SNED1: variants seen among roughly 807,000 people sequenced by gnomAD.
The protein encoded by SNED1 is sushi, nidogen and EGF like domains 1, also known as sushi, nidogen and EGF-like domain-containing protein 1.
Under a neutral mutation model 166.7 loss-of-function variants are expected in SNED1, and 81 were observed. The ratio of observed to expected loss-of-function variants is 0.49; its 90% confidence interval spans 0.41 to 0.58. SNED1 has a LOEUF of 0.58. Among genes scored for constraint, SNED1 ranks in the 20% least tolerant of loss-of-function variants. SNED1 has a pLI of 0.00. For missense variants in SNED1, 1,604 were observed against 2,000.2 expected (o/e 0.80, Z 3.78); for synonymous variants, 762 against 822.0 (o/e 0.93, Z 1.25).
rs143822327 is a variant in SNED1 at position 241,070,115 on chromosome 2, G to A, written c.3503G>A (p.Arg1168Gln). 298 of 1,612,734 alleles carry A rather than the reference G, an allele frequency of 1.8e-4. No homozygotes were observed. In the African/African-American group the frequency reaches 3.4e-3, roughly 18 times the overall value. ...SYTVRDLLPG[R>Q]RYQLSVIAVQ... The stretch of plus-strand genomic sequence containing the variant: ...ACGGTGCGCGACCTGCTGCCGGGAC[G>A]GCGGTACCAGCTCTCTGTGATAGCA... The change falls in exon 24 of 32, where the codon CGG becomes CAG. Residue 1168 changes from arginine (R) to glutamine (Q), a missense_variant. This residue lies in a region of SNED1 where 367 missense variants were observed against 379.4 expected (regional missense o/e 0.97). Transcript: ENST00000310397.
chr2:240,999,141 G>T lies in SNED1; in HGVS notation c.213+91G>T, dbSNP rs893440707. The T allele has an allele frequency of 8.8e-5, 67 of 760,956 alleles. No individual in the cohort carries two copies. The highest frequency in any genetic ancestry group is 1.2e-4 in the Non-Finnish European group (66 of 570,664). The allele number at this position is 760,956 out of a possible 1,614,324, so 47.1% of individuals were successfully genotyped here. ...CCGGGCCCGGACTCCCGCCGCCGCC[G>T]CCAGCCACTTGGCACCGGGGCGGCC... On this transcript the variant is annotated intron_variant, in intron 1 of 31. Transcript: ENST00000310397. The surrounding 1 kb of genome is among the most constrained non-coding windows in gnomAD (Gnocchi z 5.8).
chr2:241,056,370 C>A (rs923701025), intron 16 of SNED1, among the ~76,000 whole-genome samples: 1 of 152,112 alleles, frequency 6.6e-6, no homozygotes, highest in African/African-American at 2.4e-5. Context: ...CCTGCCTCTG[C>A]CTCCCAAGCT....
rs2062596161 is a variant in SNED1, at chr2:241,069,220, G to T, written c.3307+197G>T. Among the ~76,000 whole-genome samples, 1 of 152,202 alleles carries T rather than the reference G, an allele frequency of 6.6e-6. No homozygotes were observed. The highest frequency in any genetic ancestry group is 1.5e-5 in the Non-Finnish European group (1 of 68,026). On this transcript the variant is annotated intron_variant, in intron 23 of 31. Coordinates refer to ENST00000310397, the MANE Select transcript of SNED1 (RefSeq NM_001080437.3). The surrounding 1 kb of genome is among the most constrained non-coding windows in gnomAD (Gnocchi z 4.9). ...GCTGGGCCCTTGTGCTGGGACAGCT[G>T]TCCAGGGCAGTCTCCATCTCTAAAG...
At chr2:241,089,190 T>C in intron 31 of SNED1, 1 of 1,118,814 alleles carries the variant, frequency 8.9e-7, no homozygotes. Flanking sequence ...ATACTGACCA[T>C]CATTTTTTAT....
At chr2:241,015,152 C>T (rs1279212422) in intron 1 of SNED1, among the ~76,000 whole-genome samples, 1 of 152,200 alleles carries the variant, frequency 6.6e-6, no homozygotes, top group Non-Finnish European at 1.5e-5. Context: ...TATACACACA[C>T]CTGTTGTGAT....
chr2:241,038,069 A>AAC (rs1553564471), intron 6 of SNED1, among the ~76,000 whole-genome samples: 1 of 145,718 alleles, frequency 6.9e-6, no homozygotes, highest in Non-Finnish European at 1.5e-5. Context: ...AGAAAGGTGG[A>AAC]CCCCCCCCCA....
At position 240,999,919 on chromosome 2, in the gene SNED1, C is replaced by T. The variant is rs2106517365; in HGVS notation, c.213+869C>T. ...GATCATATCTAGAAAACTGCTGGGC[C>T]AGCCTCAAGTAGAGTCCCCTCCAGC... is the stretch of plus-strand genomic sequence containing the variant. On this transcript the variant is annotated intron_variant, in intron 1 of 31. Transcript: ENST00000310397. This position sits in a 1 kb window ranked among gnomAD's most constrained non-coding sequence, Gnocchi z 5.8. Among the ~76,000 whole-genome samples, 1 of 152,260 alleles carries T rather than the reference C, an allele frequency of 6.6e-6. No individual in the cohort carries two copies. The highest frequency in any genetic ancestry group is 2.1e-4 in the South Asian group (1 of 4,822).
chr2:241,077,992 T>TAG (rs2063109552), intron 27 of SNED1, among the ~76,000 whole-genome samples: 1 of 151,462 alleles, frequency 6.6e-6, no homozygotes, highest in Admixed American at 6.6e-5. Flanking sequence ...CCAAGAGAAA[T>TAG]GAAAACCTAT....
Position 241,073,498 on chromosome 2 carries a change from C to T in SNED1, c.3916+134C>T, listed in dbSNP as rs1046165365. 6.8e-6 allele frequency: 5 copies of T among 736,518 alleles called. No homozygotes were observed. Among genetic ancestry groups the T allele is most frequent in the South Asian group, 1.6e-5 (1 of 63,364 alleles). 45.6% of individuals were successfully genotyped at this position (736,518 alleles called of 1,614,324 possible). ...AGCCTACCTGAGGGGAGGCTGAGCA[C>T]CAGGCACCCCGGTGTGGGAAGATGG... is the stretch of plus-strand genomic sequence containing the variant. On this transcript the variant is annotated intron_variant, in intron 27 of 31. Coordinates refer to ENST00000310397, the MANE Select transcript of SNED1 (RefSeq NM_001080437.3). This position sits in a 1 kb window ranked among gnomAD's most constrained non-coding sequence, Gnocchi z 6.6.
intron 6 of SNED1, 36 bp downstream of exon 6, chr2:241,037,389 TG>T (rs2061408509): frequency 1.4e-6 from 2 of 1,404,282 alleles, no homozygotes; most frequent in African/African-American, 1.4e-5. Context: ...GGGGCCCTGC[TG>T]GGGGCAGGAT....
At chr2:241,038,390 G>A (rs755595662) in intron 6 of SNED1, among the ~76,000 whole-genome samples, 28 of 152,222 alleles carry the variant, frequency 1.8e-4, no homozygotes, top group Non-Finnish European at 3.4e-4. Flanking sequence ...TTGAATGGCA[G>A]TAAGGGACTT....
intron 1 of SNED1, among the ~76,000 whole-genome samples, chr2:241,023,646 T>C (rs2060836566): frequency 6.6e-6 from 1 of 152,180 alleles, no homozygotes. Flanking sequence ...CTATTTCCTT[T>C]TGTCAATTTT....
chr2:241,066,586 GAAA>G (rs1490625578), intron 21 of SNED1, among the ~76,000 whole-genome samples: 1 of 151,040 alleles, frequency 6.6e-6, no homozygotes, highest in African/African-American at 2.4e-5. Flanking sequence ...GAGGAAAGAG[GAAA>G]AGGTGCTGAG....
chr2:241,074,438 T>C (rs2062919367), intron 27 of SNED1: 1 of 152,196 alleles, frequency 6.6e-6, no homozygotes, highest in Non-Finnish European at 1.5e-5. Flanking sequence ...TGTTGATCTT[T>C]AAGTGAACTA....
At position 241,053,232 on chromosome 2, in the gene SNED1, G is replaced by T. The variant is rs370667268; in HGVS notation, c.2163G>T (p.Leu721=). Reference sequence around the variant, plus strand: ...GCACGCGGCTGGGCGCGGTGGCCCTGTATGCATGTGACCGTGGCTACAGCC... The same window carrying T: ...GCACGCGGCTGGGCGCGGTGGCCCTTTATGCATGTGACCGTGGCTACAGCC... ...FNGTRLGAVA[L]YACDRGYSLS... The change falls in exon 16 of 32, where the codon CTG becomes CTT. Residue 721 remains leucine (L), a synonymous_variant. Transcript: ENST00000310397. 3.1e-6 allele frequency: 5 copies of T among 1,609,080 alleles called. No individual in the cohort carries two copies. Among genetic ancestry groups the T allele is most frequent in the Non-Finnish European group, 4.2e-6 (5 of 1,179,198 alleles).
Position 241,065,446 on chromosome 2 carries a change from G to A in SNED1, c.2861G>A (p.Arg954His), listed in dbSNP as rs748365609. 10 of 1,613,022 alleles carry A rather than the reference G, an allele frequency of 6.2e-6. No homozygotes were observed. The highest frequency in any genetic ancestry group is 2.2e-5 in the East Asian group (1 of 44,880). ...TYVSSDGSYRRTDFVDRTRSS... is the reference protein window; with the variant it reads ...TYVSSDGSYRHTDFVDRTRSS... ...GTCTCCTCCGACGGCTCCTACCGCC[G>A]CACAGACTTTGTGGACAGGACCCGC... The change falls in exon 21 of 32, where the codon CGC becomes CAC. Residue 954 changes from arginine to histidine, a missense_variant. By Grantham distance (29) the Arg-to-His change is conservative (BLOSUM62 0). Around this residue, in one of 2 missense-constraint regions of SNED1, gnomAD observed 1,237 missense variants for 1,620.8 expected, o/e 0.76. Transcript: ENST00000310397.
chr2:241,090,036 AAATT>A, intron 31 of SNED1: 2 of 1,545,518 alleles, frequency 1.3e-6, no homozygotes, highest in Non-Finnish European at 8.7e-7. Context: ...GCACAATAAT[AAATT>A]AGTCCTGCAA....
chr2:241,008,199 A>G (rs1461827022), intron 1 of SNED1, among the ~76,000 whole-genome samples: 1 of 152,240 alleles, frequency 6.6e-6, no homozygotes, highest in Non-Finnish European at 1.5e-5. Context: ...CACCCAGGGC[A>G]GATCCCAAGT....
At chr2:241,062,363 C>T (rs1391422807) in intron 16 of SNED1, among the ~76,000 whole-genome samples, 1 of 152,144 alleles carries the variant, frequency 6.6e-6, no homozygotes, top group East Asian at 1.9e-4. Flanking sequence ...AATTCAGGAG[C>T]ACAACTCCCG....
Sources: allele counts gnomAD v4.1 joint callset (sites outside exome capture counted in the v4.1 genomes callset), GRCh38; gene constraint gnomAD v4.1.1; regional missense constraint gnomAD v4.1.1; non-coding constraint Gnocchi (gnomAD v3.1); transcripts MANE v1.5; gene names NCBI Gene and HGNC (gene_info 2026-07-23, HGNC 2026-07-21).